The following CCDC47 variants were observed in gnomAD, a reference collection of about 807,000 sequenced individuals.
CCDC47 encodes PAT complex subunit CCDC47.
In CCDC47, 41 loss-of-function variants were observed where a neutral mutation model predicts 60.5. The observed-to-expected ratio is 0.68, with a 90% confidence interval of 0.53 to 0.88. CCDC47 has a LOEUF of 0.88. CCDC47 is among the 40% of genes least tolerant of loss of function. The pLI is 0.00. For synonymous variants in CCDC47, 195 were observed against 190.7 expected, an observed-to-expected ratio of 1.02 and a Z score of -0.18; for missense variants, 513 against 580.9, an observed-to-expected ratio of 0.88 and a Z score of 1.20.
rs1434042663 is a variant in CCDC47 at position 63,746,727 on chromosome 17, C to G, written c.*154G>C. ...AGGTATCTTCAATCTCTGTAAAACCCCAAACCCCAAACAGAGTAGATGATG... is the reference window on the plus strand; with the variant it reads ...AGGTATCTTCAATCTCTGTAAAACCGCAAACCCCAAACAGAGTAGATGATG... On this transcript the variant is annotated 3_prime_UTR_variant, in exon 13 of 13. Transcript: ENST00000225726. 1.0e-5 allele frequency: 6 copies of G among 574,464 alleles called. No homozygotes were observed. The highest frequency in any genetic ancestry group is 1.8e-5 in the Non-Finnish European group (6 of 326,034). 35.6% of individuals were successfully genotyped at this position (574,464 alleles called of 1,614,324 possible).
chr17:63,766,321 A>C (rs1006454023), intron 1 of CCDC47, 127 bp from the exon 2 acceptor site: 1 of 866,256 alleles, frequency 1.2e-6, no homozygotes, highest in Non-Finnish European at 1.7e-6. Flanking sequence ...TTCAGACCAC[A>C]TTATATAAAG....
intron 6 of CCDC47, among the ~76,000 whole-genome samples, chr17:63,757,398 GA>G (rs1261489229): frequency 2.7e-5 from 4 of 146,500 alleles, no homozygotes; most frequent in Non-Finnish European, 6.0e-5. Context: ...AAAAGGAAAA[GA>G]AAACAGGAAC....
Position 63,764,083 on chromosome 17 carries a change from G to A in CCDC47, c.480C>T (p.Asn160=). The change falls in exon 4 of 13, where the codon AAC becomes AAT. Residue 160 remains asparagine (N), a synonymous_variant. Transcript: ENST00000225726. ...IMNYIIGKNK[N]SRLAQAWFNT... is the part of the protein sequence containing the mutation. ...TAAACCAGGCCTGTGCAAGGCGACTGTTTTTATTCTTCCCAATGATGTAAT... is the reference window on the plus strand; with the variant it reads ...TAAACCAGGCCTGTGCAAGGCGACTATTTTTATTCTTCCCAATGATGTAAT... 6.2e-7 allele frequency: 1 copy of A among 1,613,462 alleles called. No homozygotes were observed. Among genetic ancestry groups the A allele is most frequent in the East Asian group, 2.2e-5 (1 of 44,824 alleles).
chr17:63,771,722 T>A (rs9898475), intron 1 of CCDC47, among the ~76,000 whole-genome samples: 5,199 of 152,268 alleles, frequency 0.034, 320 homozygotes, highest in African/African-American at 0.12. Context: ...TGTTGTGATA[T>A]TTGGTCAAAA....
At chr17:63,756,638 G>A in intron 6 of CCDC47, 68 bp from the exon 7 acceptor site, 2 of 1,069,338 alleles carry the variant, frequency 1.9e-6, no homozygotes, top group South Asian at 2.7e-5. Flanking sequence ...ATTTCTAAAT[G>A]ACCCTTAAGA....
chr17:63,756,890 C>A (rs936296008), intron 6 of CCDC47, among the ~76,000 whole-genome samples: 1 of 152,002 alleles, frequency 6.6e-6, no homozygotes, highest in South Asian at 2.1e-4. Flanking sequence ...GGAAGGTTGG[C>A]GGTAGGGCAC....
Position 63,751,646 on chromosome 17 carries a change from CT to C in CCDC47, c.1371+293del, listed in dbSNP as rs2039166203. ...TGCTGCCTTCTATTAAAATTTCTAA[CT>C]TCTTTCTACCAAAGTGTTTGGCTCG... On this transcript the variant is annotated intron_variant, in intron 12 of 12. Coordinates refer to ENST00000225726, the MANE Select transcript of CCDC47 (RefSeq NM_020198.3). The C allele has an allele frequency of 1.3e-5, 7 of 525,878 alleles. No individual in the cohort carries two copies. In the East Asian group the frequency reaches 2.0e-4, roughly 15 times the overall value. The allele number at this position is 525,878 out of a possible 1,614,324, so 32.6% of individuals were successfully genotyped here. A position where few individuals can be genotyped will look rare whatever the true frequency, so the allele number is the denominator to read the frequency against.
intron 12 of CCDC47, chr17:63,747,432 A>C: frequency 1.0e-5 from 10 of 984,134 alleles, no homozygotes; most frequent in Non-Finnish European, 1.2e-5. Flanking sequence ...ATACCTGCAC[A>C]TAATACTTAA....
intron 4 of CCDC47, chr17:63,761,706 A>AAT (rs1442854341): frequency 4.2e-6 from 2 of 471,472 alleles, no homozygotes; most frequent in East Asian, 3.0e-4. Context: ...CAAAAAAAAA[A>AAT]AAAGGAAACA....
In CCDC47 at chr17:63,761,396, GC is replaced by G. The variant is rs146060143; in HGVS notation, c.548-46del. 5,032 of 1,610,486 alleles carry G rather than the reference GC, an allele frequency of 3.1e-3. 136 individuals are homozygous for G. The African/African-American group carries it at 0.06, about 19-fold the overall frequency. ...ATGTGACTCAACAGAAAATGTCAAG[GC>G]CGGGCCGGGGGTGGTGGCTCACGCC... On this transcript the variant is annotated intron_variant, in intron 4 of 12. Coordinates refer to ENST00000225726, the MANE Select transcript of CCDC47 (RefSeq NM_020198.3).
intron 1 of CCDC47, among the ~76,000 whole-genome samples, chr17:63,772,259 T>G (rs1044518408): frequency 1.4e-5 from 2 of 142,650 alleles, no homozygotes; most frequent in African/African-American, 5.3e-5. Flanking sequence ...GGTTTTTTTT[T>G]TTTTTTTTTT....
intron 12 of CCDC47, 184 bp downstream of exon 12, chr17:63,751,756 T>G (rs1258827678): frequency 4.4e-6 from 3 of 682,644 alleles, no homozygotes; most frequent in Non-Finnish European, 7.8e-6. Context: ...ACAGACTCAG[T>G]GTGGCACGGC....
At chr17:63,765,677 A>T in intron 2 of CCDC47, 7 of 1,314,746 alleles carry the variant, frequency 5.3e-6, no homozygotes, top group Non-Finnish European at 5.8e-6. Flanking sequence ...CTCACCCACA[A>T]ACAGTATCTA....
chr17:63,750,428 G>T (rs995666117), intron 12 of CCDC47, among the ~76,000 whole-genome samples: 2 of 152,100 alleles, frequency 1.3e-5, no homozygotes, highest in African/African-American at 4.8e-5. Context: ...AGTATCCTGG[G>T]CAGTTCACTC....
At chr17:63,751,711 G>T in intron 12 of CCDC47, 1 of 584,740 alleles carries the variant, frequency 1.7e-6, no homozygotes, top group Non-Finnish European at 3.0e-6. Flanking sequence ...AATTGTGCTG[G>T]GGGAACAGGA....
chr17:63,771,013 A>AAAGG (rs775583739), intron 1 of CCDC47, among the ~76,000 whole-genome samples: 47 of 110,200 alleles, frequency 4.3e-4, no homozygotes, highest in South Asian at 7.2e-4. Context: ...AGAAAGAAAG[A>AAAGG]AAGGAAGGAA....
chr17:63,746,524 T>C lies in CCDC47; in HGVS notation c.*357A>G, dbSNP rs140599746. The stretch of plus-strand genomic sequence containing the variant: ...AACAAAAAGCAACAATCTGGTTATC[T>C]ACCTATAAATTTCACGGTATTTCTT... On this transcript the variant is annotated 3_prime_UTR_variant, in exon 13 of 13. Transcript: ENST00000225726. 5.7e-6 allele frequency: 1 copy of C among 176,140 alleles called. No individual in the cohort carries two copies. The highest frequency in any genetic ancestry group is 1.5e-4 in the East Asian group (1 of 6,570). 10.9% of individuals were successfully genotyped at this position (176,140 alleles called of 1,614,324 possible). A position where few individuals can be genotyped will look rare whatever the true frequency, so the allele number is the denominator to read the frequency against.
rs142157065 is a variant in CCDC47 at position 63,761,162 on chromosome 17, G to A, written c.669+68C>T. 76 of 1,586,604 alleles carry A rather than the reference G, an allele frequency of 4.8e-5. No homozygotes were observed. In the African/African-American group the frequency reaches 9.4e-4, roughly 20 times the overall value. ...ATGAAGGGATAAGATGCTGAATTGGGGGGCTGGGAATCACAACTGGACAAA... is the reference window on the plus strand; with the variant it reads ...ATGAAGGGATAAGATGCTGAATTGGAGGGCTGGGAATCACAACTGGACAAA... On this transcript the variant is annotated intron_variant, in intron 5 of 12. Transcript: ENST00000225726.
intron 12 of CCDC47, among the ~76,000 whole-genome samples, chr17:63,749,707 C>A (rs2039148198): frequency 6.6e-6 from 1 of 151,860 alleles, no homozygotes; most frequent in Admixed American, 6.6e-5. Context: ...TGAGATCGCG[C>A]CACTGCACTC....
Sources: allele counts gnomAD v4.1 joint callset (sites outside exome capture counted in the v4.1 genomes callset), GRCh38; gene constraint gnomAD v4.1.1; transcripts MANE v1.5; gene names NCBI Gene and HGNC (gene_info 2026-07-23, HGNC 2026-07-21).